Variants in SRRM3 observed in about 807,000 individuals in gnomAD.
SRRM3 encodes serine/arginine repetitive matrix protein 3.
Under a neutral mutation model 66.2 loss-of-function variants are expected in SRRM3, and 27 were observed. That is an observed-to-expected ratio of 0.41 (90% CI 0.30 to 0.56). The LOEUF (loss-of-function observed/expected upper bound fraction) is 0.56, where lower values mean the gene tolerates loss of function less well. Among genes scored for constraint, SRRM3 ranks in the 20% least tolerant of loss-of-function variants. The pLI is 0.32. For synonymous variants in SRRM3, 391 were observed against 414.9 expected (o/e 0.94, Z 0.70); for missense variants, 918 against 991.9 (o/e 0.93, Z 1.00).
chr7:76,235,937 C>A (rs564529027), intron 2 of SRRM3, among the ~76,000 whole-genome samples: 1 of 133,082 alleles, frequency 7.5e-6, no homozygotes, highest in East Asian at 2.4e-4. Flanking sequence ...ACCCAGGAGG[C>A]GGAGGTTGCA....
At chr7:76,222,711 T>C (rs754696336) in intron 1 of SRRM3, among the ~76,000 whole-genome samples, 12 of 152,006 alleles carry the variant, frequency 7.9e-5, no homozygotes, top group Admixed American at 1.3e-4. Flanking sequence ...AACCTCTGCC[T>C]CCTGGGTTCA....
intron 1 of SRRM3, among the ~76,000 whole-genome samples, chr7:76,213,763 G>T (rs918243828): frequency 1.3e-5 from 2 of 151,756 alleles, no homozygotes; most frequent in East Asian, 1.9e-4. Context: ...TGGGTTTTTG[G>T]TTTTTTTGTT....
intron 1 of SRRM3, among the ~76,000 whole-genome samples, chr7:76,232,208 C>T (rs1287968037): frequency 6.6e-6 from 1 of 152,104 alleles, no homozygotes; most frequent in Non-Finnish European, 1.5e-5. Context: ...GGGAGCCAGA[C>T]CTTTGAACCC....
At chr7:76,265,608 T>C in intron 10 of SRRM3, 140 bp downstream of exon 10, 1 of 650,134 alleles carries the variant, frequency 1.5e-6, no homozygotes, top group Non-Finnish European at 2.4e-6. Flanking sequence ...GGTAGCCAGG[T>C]GTGGTGGCTC....
At chr7:76,206,687 C>T (rs1800308801) in intron 1 of SRRM3, among the ~76,000 whole-genome samples, 1 of 152,186 alleles carries the variant, frequency 6.6e-6, no homozygotes, top group African/African-American at 2.4e-5. Context: ...AGAAGACAGG[C>T]CCCTGGGGCC....
chr7:76,267,191 G>C, intron 10 of SRRM3, 67 bp from the exon 11 acceptor site: 1 of 1,376,546 alleles, frequency 7.3e-7, no homozygotes, highest in Non-Finnish European at 9.5e-7. Context: ...GGAAAGAGGA[G>C]GCGCAACTGC....
At position 76,259,910 on chromosome 7, in the gene SRRM3, G is replaced by A. The variant is rs782238983; in HGVS notation, c.340G>A (p.Ala114Thr). Reference sequence around the variant, plus strand: ...GAGCGTCCCTGTCGCCGGCAGTGTGGCGGAGACCCCGCGGCTGACCGAGGG... The same window carrying A: ...GAGCGTCCCTGTCGCCGGCAGTGTGACGGAGACCCCGCGGCTGACCGAGGG... ...REDRPGGHIV[A>T]ETPRLTEGAE... is the part of the protein sequence containing the mutation. Residue 114 changes from alanine to threonine, a missense_variant, in exon 4 of 15, where the codon GCG becomes ACG. By Grantham distance (58) the Ala-to-Thr change is moderately conservative (BLOSUM62 0). Coordinates refer to ENST00000611745, the MANE Select transcript of SRRM3 (RefSeq NM_001110199.3). The A allele has an allele frequency of 8.1e-6, 13 of 1,601,576 alleles. No individual in the cohort carries two copies. In the Admixed American group the frequency reaches 1.5e-4, roughly 18 times the overall value.
chr7:76,254,600 G>A (rs1231273629), intron 3 of SRRM3, among the ~76,000 whole-genome samples: 8 of 152,166 alleles, frequency 5.3e-5, no homozygotes, highest in Non-Finnish European at 1.0e-4. Context: ...TTACAGGCAC[G>A]AGCCACCGCA....
At chr7:76,280,149 A>G (rs896375164) in intron 11 of SRRM3, among the ~76,000 whole-genome samples, 1 of 132,894 alleles carries the variant, frequency 7.5e-6, no homozygotes, top group Admixed American at 7.4e-5. Flanking sequence ...AAAAGAAAAG[A>G]GAGAAACAGA....
chr7:76,280,146 AAG>A (rs71521118), intron 11 of SRRM3, among the ~76,000 whole-genome samples: 9,849 of 151,882 alleles, frequency 0.065, 446 homozygotes, highest in Non-Finnish European at 0.095. Context: ...AGAAAAAGAA[AAG>A]AGAGAAACAG....
chr7:76,281,835 C>T, intron 12 of SRRM3, 33 bp downstream of exon 12: 1 of 1,200,320 alleles, frequency 8.3e-7, no homozygotes, highest in Non-Finnish European at 1.0e-6. Flanking sequence ...TGGACTCCCG[C>T]CCCCACCCCG....
chr7:76,248,653 C>G (rs1801499940), intron 3 of SRRM3, among the ~76,000 whole-genome samples: 1 of 152,082 alleles, frequency 6.6e-6, no homozygotes, highest in African/African-American at 2.4e-5. Context: ...ACAAAGTGAC[C>G]CCAGGCAAGC....
At chr7:76,224,185 T>C (rs1554603519) in intron 1 of SRRM3, among the ~76,000 whole-genome samples, 1 of 138,692 alleles carries the variant, frequency 7.2e-6, no homozygotes. Flanking sequence ...GTTCAAGCGA[T>C]TCCCCTGCCA....
In SRRM3 at chr7:76,282,689, C is replaced by T; in HGVS notation, c.1412C>T (p.Ser471Phe). The T allele has an allele frequency of 7.0e-7, 1 of 1,427,742 alleles. No individual in the cohort carries two copies. The allele number at this position is 1,427,742 out of a possible 1,614,324, so 88.4% of individuals were successfully genotyped here. Residue 471 changes from serine to phenylalanine, a missense_variant, in exon 13 of 15, where the codon TCT becomes TTT. Coordinates refer to ENST00000611745, the MANE Select transcript of SRRM3 (RefSeq NM_001110199.3). ...CCGCGCGCGCGGCCCGCCAGCACCT[C>T]TCCGTCCCCGGGCGCGCACGGCCGG... ...RPPRARPASTSPSPGAHGRRG... is the reference protein window; with the variant it reads ...RPPRARPASTFPSPGAHGRRG...
At chr7:76,265,268 C>T in intron 9 of SRRM3, 96 bp from the exon 10 acceptor site, 1 of 791,308 alleles carries the variant, frequency 1.3e-6, no homozygotes, top group South Asian at 1.9e-5. Flanking sequence ...AGTAGGGTTC[C>T]ACTGGGATCC....
chr7:76,253,352 T>A (rs781798913), intron 3 of SRRM3, among the ~76,000 whole-genome samples: 5 of 151,958 alleles, frequency 3.3e-5, no homozygotes, highest in African/African-American at 4.8e-5. Context: ...CTGGGCACGG[T>A]GGCTCAAGCC....
intron 8 of SRRM3, among the ~76,000 whole-genome samples, chr7:76,264,010 G>A (rs1801948335): frequency 6.6e-6 from 1 of 151,586 alleles, no homozygotes; most frequent in Non-Finnish European, 1.5e-5. Context: ...GGGCACAGGA[G>A]GTATGATTAT....
intron 3 of SRRM3, among the ~76,000 whole-genome samples, chr7:76,259,444 G>T (rs781925516): frequency 6.6e-6 from 1 of 151,900 alleles, no homozygotes; most frequent in Non-Finnish European, 1.5e-5. Flanking sequence ...CAGGGTAGGG[G>T]TCCACGCCTG....
chr7:76,244,167 G>A (rs141762194), intron 2 of SRRM3, among the ~76,000 whole-genome samples: 2 of 152,242 alleles, frequency 1.3e-5, no homozygotes, highest in Non-Finnish European at 2.9e-5. Flanking sequence ...CACGGTGAGC[G>A]ACACAGCAGG....
Sources: gnomAD v4.1 joint callset for allele counts (sites outside exome capture counted in the v4.1 genomes callset) on GRCh38, gnomAD v4.1.1 for gene constraint, MANE v1.5 for transcripts, NCBI Gene and HGNC (gene_info 2026-07-23, HGNC 2026-07-21) for gene names.